The following THSD4 variants were observed in gnomAD, a reference collection of about 807,000 sequenced individuals.
THSD4 encodes thrombospondin type 1 domain containing 4.
THSD4 carries 69 observed loss-of-function variants against 119.0 expected under a neutral mutation model. That is an observed-to-expected ratio of 0.58 (90% CI 0.48 to 0.71). The LOEUF (loss-of-function observed/expected upper bound fraction) is 0.71. Ranked by LOEUF, THSD4 falls within the 30% of genes least tolerant of loss-of-function variation. THSD4 has a pLI of 0.00. For synonymous variants in THSD4, 524 were observed against 540.4 expected, an observed-to-expected ratio of 0.97 and a Z score of 0.42; for missense variants, 1,393 against 1,391.1, an observed-to-expected ratio of 1.00 and a Z score of -0.02.
upstream of THSD4, among the ~76,000 whole-genome samples, chr15:71,114,469 A>C (rs1467830852): frequency 6.6e-6 from 1 of 152,150 alleles, no homozygotes; most frequent in African/African-American, 2.4e-5. Context: ...AGCCTCTTCA[A>C]ATATTTGTCA....
chr15:71,685,271 T>C (rs2051883654), intron 8 of THSD4, among the ~76,000 whole-genome samples: 2 of 152,082 alleles, frequency 1.3e-5, no homozygotes, highest in Admixed American at 1.3e-4. Flanking sequence ...TTTTGCTGTT[T>C]TCTCAGTGGT....
chr15:71,661,641 C>G (rs557241229), intron 8 of THSD4, among the ~76,000 whole-genome samples: 1 of 152,024 alleles, frequency 6.6e-6, no homozygotes, highest in Non-Finnish European at 1.5e-5. Context: ...AGTGGTCTGC[C>G]CACCTCGACC....
intron 7 of THSD4, among the ~76,000 whole-genome samples, chr15:71,600,863 C>T (rs1428176591): frequency 6.6e-6 from 1 of 152,014 alleles, no homozygotes; most frequent in Non-Finnish European, 1.5e-5. Context: ...TCACCTGCCT[C>T]AGCCTCCTGA....
intron 7 of THSD4, among the ~76,000 whole-genome samples, chr15:71,476,944 G>C (rs886971634): frequency 1.3e-5 from 2 of 152,206 alleles, no homozygotes; most frequent in Non-Finnish European, 2.9e-5. Flanking sequence ...GGGTGAGCAT[G>C]AGTGAACGCG....
chr15:71,357,359 G>A (rs1387932767), intron 6 of THSD4, among the ~76,000 whole-genome samples: 1 of 152,172 alleles, frequency 6.6e-6, no homozygotes, highest in African/African-American at 2.4e-5. Flanking sequence ...GGCTGGGCTG[G>A]GAGGCCTGCG....
intron 1 of THSD4, among the ~76,000 whole-genome samples, chr15:71,108,929 T>A (rs986656543): frequency 2.0e-4 from 30 of 152,000 alleles, no homozygotes; most frequent in Admixed American, 2.6e-4. Flanking sequence ...GAGGCGGAGG[T>A]TGCAGTGAGC....
intron 7 of THSD4, among the ~76,000 whole-genome samples, chr15:71,456,563 G>A (rs963518450): frequency 1.3e-5 from 2 of 152,164 alleles, no homozygotes; most frequent in African/African-American, 4.8e-5. Flanking sequence ...GTACATAGCA[G>A]TTTGCCTGCA....
chr15:71,467,706 C>A (rs1326293937), intron 7 of THSD4, among the ~76,000 whole-genome samples: 1 of 152,136 alleles, frequency 6.6e-6, no homozygotes, highest in Non-Finnish European at 1.5e-5. Context: ...TGTGTCCCCA[C>A]CCAAATCTCA....
chr15:71,330,717 T>C, intron 6 of THSD4, among the ~76,000 whole-genome samples: 1 of 152,240 alleles, frequency 6.6e-6, no homozygotes, highest in Non-Finnish European at 1.5e-5. Context: ...AAGAGAACAG[T>C]CCTATGCTTT....
rs56158827 is a variant in THSD4, at chr15:71,744,147, CTTTT to C, written c.1907-938_1907-935del. On this transcript the variant is annotated intron_variant, in intron 11 of 17. Transcript: ENST00000261862. ...AGAAAGGAAGGCAGAATTGAATCAGCTTTTTTTTTTTTTTTTTTTTTTTTAATTG... is the reference window on the plus strand; with the variant it reads ...AGAAAGGAAGGCAGAATTGAATCAGCTTTTTTTTTTTTTTTTTTTTAATTG... 3.2e-3 allele frequency among the ~76,000 whole-genome samples: 327 copies of C among 102,750 alleles called. 4 individuals are homozygous for C. Among genetic ancestry groups the C allele is most frequent in the African/African-American group, 0.01 (297 of 29,052 alleles). The allele number at this position is 102,750 out of a possible 152,430, so 67.4% of individuals were successfully genotyped here.
chr15:71,606,770 C>T (rs1316709817), intron 7 of THSD4, among the ~76,000 whole-genome samples: 1 of 152,104 alleles, frequency 6.6e-6, no homozygotes, highest in African/African-American at 2.4e-5. Flanking sequence ...AAACTCCCGA[C>T]CTCAGGTGAT....
At chr15:71,380,891 C>A (rs990687171) in intron 6 of THSD4, among the ~76,000 whole-genome samples, 1 of 152,178 alleles carries the variant, frequency 6.6e-6, no homozygotes, top group Non-Finnish European at 1.5e-5. Context: ...ATTCCTTTCC[C>A]TTTCTCTTAT....
chr15:71,278,290 G>C (rs1381345268), intron 6 of THSD4, among the ~76,000 whole-genome samples: 2 of 152,092 alleles, frequency 1.3e-5, no homozygotes, highest in African/African-American at 4.8e-5. Context: ...TGATCTCCCT[G>C]GGGTCAGTGA....
intron 5 of THSD4, among the ~76,000 whole-genome samples, chr15:71,255,966 AC>A (rs2044310502): frequency 6.6e-6 from 1 of 152,150 alleles, no homozygotes; most frequent in South Asian, 2.1e-4. Context: ...AATGGAGTAA[AC>A]TGATTTGTCA....
chr15:71,112,744 C>T (rs1467982022), upstream of THSD4, among the ~76,000 whole-genome samples: 1 of 152,250 alleles, frequency 6.6e-6, no homozygotes, highest in Non-Finnish European at 1.5e-5. Context: ...GCAAGGACCA[C>T]ATTCTGCTCT....
At chr15:71,376,236 G>A (rs898960880) in intron 6 of THSD4, among the ~76,000 whole-genome samples, 2 of 133,454 alleles carry the variant, frequency 1.5e-5, no homozygotes, top group Non-Finnish European at 3.3e-5. Context: ...CTGAATGTAT[G>A]TAGGACAAGA....
chr15:71,682,880 CTTTCTTTCTTTCTTTCTTTCTTTCT>C (rs1156494155), intron 8 of THSD4, among the ~76,000 whole-genome samples: 9,518 of 22,596 alleles, frequency 0.42, 909 homozygotes, highest in East Asian at 0.58. Flanking sequence ...TTCTTTCTTT[CTTTCTTTCTTTCTTTCTTTCTTTCT>C]TTCTTCTTCT....
intron 7 of THSD4, among the ~76,000 whole-genome samples, chr15:71,494,048 A>C (rs1021642500): frequency 7.2e-5 from 11 of 152,164 alleles, no homozygotes; most frequent in African/African-American, 1.7e-4. Context: ...TGGATGGGAC[A>C]CCCAGGTATA....
At chr15:71,217,279 AG>A (rs1290287812) in intron 4 of THSD4, among the ~76,000 whole-genome samples, 17 of 152,164 alleles carry the variant, frequency 1.1e-4, no homozygotes, top group Admixed American at 1.0e-3. Context: ...GTTCTCACCA[AG>A]CAGGATACAA....
Sources: allele counts gnomAD v4.1 joint callset (sites outside exome capture counted in the v4.1 genomes callset), GRCh38; gene constraint gnomAD v4.1.1; transcripts MANE v1.5; gene names NCBI Gene and HGNC (gene_info 2026-07-23, HGNC 2026-07-21).